The following KIAA1217 variants were observed in gnomAD, a reference collection of about 807,000 sequenced individuals.
KIAA1217 encodes the protein KIAA1217, also known as sickle tail protein homolog.
KIAA1217 carries 88 observed loss-of-function variants against 163.9 expected under a neutral mutation model. The ratio of observed to expected loss-of-function variants is 0.54; its 90% CI spans 0.45 to 0.64. The LOEUF (loss-of-function observed/expected upper bound fraction) is 0.64. KIAA1217 is among the 30% of genes least tolerant of loss of function. The pLI, the probability that KIAA1217 is intolerant of heterozygous loss-of-function variation, is 0.00. For missense variants in KIAA1217, 2,372 were observed against 2,475.0 expected, an observed-to-expected ratio of 0.96 and a Z score of 0.88; for synonymous variants, 903 against 923.1, an observed-to-expected ratio of 0.98 and a Z score of 0.39.
chr10:24,406,864 C>G (rs2057273766), intron 3 of KIAA1217, among the ~76,000 whole-genome samples: 1 of 152,174 alleles, frequency 6.6e-6, no homozygotes, highest in Non-Finnish European at 1.5e-5. Flanking sequence ...GCCTCAAACT[C>G]TAAAAACATG....
intron 2 of KIAA1217, among the ~76,000 whole-genome samples, chr10:24,092,907 GTGTGTGTGTGTGTGTGTGTGT>G (rs1219711572): frequency 3.2e-5 from 4 of 125,534 alleles, no homozygotes; most frequent in South Asian, 2.3e-4. Flanking sequence ...TATGTATAGT[GTGTGTGTGTGTGTGTGTGTGT>G]TGTGTGTGTG....
chr10:23,867,584 C>T (rs1840254224), intron 1 of KIAA1217, among the ~76,000 whole-genome samples: 1 of 152,170 alleles, frequency 6.6e-6, no homozygotes, highest in Non-Finnish European at 1.5e-5. Flanking sequence ...TTTTGATTTG[C>T]ATTTCTGTGA....
At chr10:23,986,906 A>G (rs1300473015) in intron 1 of KIAA1217, among the ~76,000 whole-genome samples, 1 of 152,212 alleles carries the variant, frequency 6.6e-6, no homozygotes, top group African/African-American at 2.4e-5. Context: ...ATGTATGAAT[A>G]CAACGGTTAG....
At chr10:24,113,670 A>C (rs1307972766) in intron 2 of KIAA1217, among the ~76,000 whole-genome samples, 3 of 152,176 alleles carry the variant, frequency 2.0e-5, no homozygotes, top group African/African-American at 4.8e-5. Context: ...GCCCTCTGTC[A>C]AGACCGGGAA....
intron 1 of KIAA1217, among the ~76,000 whole-genome samples, chr10:23,912,513 G>A (rs1437539411): frequency 6.6e-6 from 1 of 151,942 alleles, no homozygotes; most frequent in Non-Finnish European, 1.5e-5. Flanking sequence ...TGAGTCCCCA[G>A]TGTCTGTTAT....
chr10:24,284,631 A>G (rs1483614560), intron 2 of KIAA1217, among the ~76,000 whole-genome samples: 2 of 152,130 alleles, frequency 1.3e-5, no homozygotes, highest in Non-Finnish European at 2.9e-5. Context: ...TCCACCACTG[A>G]TGGGCCCCTA....
chr10:24,342,604 T>G (rs943498919), intron 2 of KIAA1217, among the ~76,000 whole-genome samples: 1 of 151,970 alleles, frequency 6.6e-6, no homozygotes, highest in African/African-American at 2.4e-5. Flanking sequence ...CTCCACTTAG[T>G]GATGCATCTT....
rs767997320 is a variant in KIAA1217 at position 23,735,918 on chromosome 10, T to G, written c.-321+40684T>G. ...TTACCCCACATTCCCAGAAGTTTTC[T>G]CATGAACACATATTTCATTCTCTCT... On this transcript the variant is annotated intron_variant, in intron 1 of 18. Coordinates refer to the KIAA1217 transcript ENST00000376462. 6.6e-4 allele frequency among the ~76,000 whole-genome samples: 100 copies of G among 152,236 alleles called. 1 individual carries two copies. Among genetic ancestry groups the G allele is most frequent in the Admixed American group, 2.6e-4 (4 of 15,276 alleles).
intron 12 of KIAA1217, 82 bp from the exon 13 acceptor site, chr10:24,524,241 C>T: frequency 6.9e-7 from 1 of 1,445,166 alleles, no homozygotes; most frequent in Non-Finnish European, 9.5e-7. Flanking sequence ...TCTCACCTGG[C>T]TTTGGGATGA....
intron 10 of KIAA1217, 140 bp downstream of exon 10, chr10:24,513,574 A>T (rs1436575861): frequency 6.8e-6 from 5 of 735,248 alleles, no homozygotes; most frequent in Non-Finnish European, 1.1e-5. Flanking sequence ...AGTTCTGCTG[A>T]TGCTGGTATA....
At chr10:24,123,983 C>A (rs1056914830) in intron 2 of KIAA1217, among the ~76,000 whole-genome samples, 1 of 152,080 alleles carries the variant, frequency 6.6e-6, no homozygotes, top group Non-Finnish European at 1.5e-5. Flanking sequence ...CAAATATCGA[C>A]CCCCAGTCAA....
intron 1 of KIAA1217, among the ~76,000 whole-genome samples, chr10:23,725,837 C>G (rs883592): frequency 0.22 from 33,412 of 152,078 alleles, 3,910 homozygotes; most frequent in African/African-American, 0.29. Flanking sequence ...TAGTAGCGTT[C>G]CAATTCTAGA....
chr10:24,129,555 A>G (rs2063580086), intron 2 of KIAA1217, among the ~76,000 whole-genome samples: 2 of 152,184 alleles, frequency 1.3e-5, no homozygotes, highest in African/African-American at 4.8e-5. Flanking sequence ...GTTATACTTC[A>G]TAATCAATAG....
rs541942053 is a variant in KIAA1217, at chr10:23,756,030, C to G, written c.-321+60796C>G. Among the ~76,000 whole-genome samples, 3 of 151,988 alleles carry G rather than the reference C, an allele frequency of 2.0e-5. No homozygotes were observed. In the South Asian group the frequency reaches 6.2e-4, roughly 31 times the overall value. On this transcript the variant is annotated intron_variant, in intron 1 of 18. Transcript: ENST00000376462. ...ATAATGCAGCAGTGTGATCATAGCT[C>G]ACTGCAGCCTCAAACTCCCAGGATC...
chr10:23,808,278 A>C (rs1456344226), intron 1 of KIAA1217, among the ~76,000 whole-genome samples: 1 of 152,234 alleles, frequency 6.6e-6, no homozygotes, highest in Non-Finnish European at 1.5e-5. Context: ...CACTAAAACA[A>C]GTACAAGGCC....
chr10:23,830,053 T>C (rs1345257199), intron 1 of KIAA1217, among the ~76,000 whole-genome samples: 1 of 152,154 alleles, frequency 6.6e-6, no homozygotes, highest in African/African-American at 2.4e-5. Flanking sequence ...GCCAACAACA[T>C]TTTCTCTACT....
intron 2 of KIAA1217, chr10:24,158,589 A>G: frequency 2.0e-6 from 1 of 507,090 alleles, no homozygotes; most frequent in South Asian, 1.5e-5. Context: ...GCACTGACAG[A>G]CGTGCTTTAT....
chr10:23,891,186 A>G (rs541710752), intron 1 of KIAA1217, among the ~76,000 whole-genome samples: 1 of 152,130 alleles, frequency 6.6e-6, no homozygotes, highest in East Asian at 1.9e-4. Context: ...TTTTAAATGC[A>G]GTTTGATAAT....
At chr10:24,314,922 C>T (rs1390406286) in intron 2 of KIAA1217, among the ~76,000 whole-genome samples, 19 of 151,864 alleles carry the variant, frequency 1.3e-4, no homozygotes, top group South Asian at 1.0e-3. Context: ...CCAGCCTGGG[C>T]GACAGAGCGA....
Sources: allele counts gnomAD v4.1 joint callset (sites outside exome capture counted in the v4.1 genomes callset), GRCh38; gene constraint gnomAD v4.1.1; transcripts MANE v1.5; gene names NCBI Gene and HGNC (gene_info 2026-07-23, HGNC 2026-07-21).